CAMK1D: variants seen among roughly 807,000 people sequenced by gnomAD.
CAMK1D encodes calcium/calmodulin dependent protein kinase ID, also known as calcium/calmodulin-dependent protein kinase type 1D.
A neutral mutation model predicts 47.7 loss-of-function variants in CAMK1D; 9 were observed. That is an observed-to-expected ratio of 0.19 (90% CI 0.11 to 0.33). The LOEUF (loss-of-function observed/expected upper bound fraction) is 0.33, where lower values mean the gene tolerates loss of function less well. Among genes scored for constraint, CAMK1D ranks in the 10% least tolerant of loss-of-function variants. The pLI is 1.00. For missense variants in CAMK1D, 291 were observed against 488.7 expected, an observed-to-expected ratio of 0.60 and a Z score of 3.81; for synonymous variants, 184 against 184.9, an observed-to-expected ratio of 0.99 and a Z score of 0.04.
intron 2 of CAMK1D, among the ~76,000 whole-genome samples, chr10:12,594,854 G>C (rs1263446223): frequency 6.6e-6 from 1 of 152,130 alleles, no homozygotes; most frequent in Non-Finnish European, 1.5e-5. Flanking sequence ...ACGTAGGTGG[G>C]GCAGCCATAT....
chr10:12,566,447 T>G (rs770705485), intron 2 of CAMK1D, among the ~76,000 whole-genome samples: 3 of 152,210 alleles, frequency 2.0e-5, no homozygotes, highest in Non-Finnish European at 4.4e-5. Flanking sequence ...ACCATTTTTC[T>G]TGCTGACTAA....
chr10:12,421,511 C>CTT (rs71384322), intron 1 of CAMK1D, among the ~76,000 whole-genome samples: 2,103 of 50,746 alleles, frequency 0.041, 488 homozygotes, highest in Non-Finnish European at 0.051. Context: ...ATCCAGGATT[C>CTT]TTTTTTTTTT....
At chr10:12,426,189 C>T (rs1002325296) in intron 1 of CAMK1D, among the ~76,000 whole-genome samples, 1 of 152,168 alleles carries the variant, frequency 6.6e-6, no homozygotes, top group Non-Finnish European at 1.5e-5. Context: ...GGAAGCTCAT[C>T]CTGCAGCTCA....
chr10:12,772,862 C>T (rs188480716), intron 5 of CAMK1D, among the ~76,000 whole-genome samples: 2 of 152,210 alleles, frequency 1.3e-5, no homozygotes, highest in East Asian at 3.9e-4. Flanking sequence ...GGAGGGGACA[C>T]AACTTCAGAG....
chr10:12,703,801 G>A (rs1183031952), intron 3 of CAMK1D, among the ~76,000 whole-genome samples: 5 of 151,724 alleles, frequency 3.3e-5, no homozygotes, highest in African/African-American at 1.2e-4. Flanking sequence ...CCTGGGAGGC[G>A]GAGGTTGCAG....
intron 1 of CAMK1D, among the ~76,000 whole-genome samples, chr10:12,469,720 G>A (rs149197823): frequency 4.4e-4 from 67 of 152,300 alleles, no homozygotes; most frequent in African/African-American, 1.5e-3. Flanking sequence ...TGCACCTTCT[G>A]GAGAAAACAA....
At chr10:12,563,702 A>AGAGAGG (rs1564414553) in intron 2 of CAMK1D, among the ~76,000 whole-genome samples, 18 of 150,680 alleles carry the variant, frequency 1.2e-4, no homozygotes, top group Non-Finnish European at 2.7e-4. Flanking sequence ...AGAGAGAGGG[A>AGAGAGG]GAGAGAGGGA....
At chr10:12,374,085 C>T (rs1479275301) in intron 1 of CAMK1D, among the ~76,000 whole-genome samples, 2 of 149,874 alleles carry the variant, frequency 1.3e-5, no homozygotes, top group East Asian at 3.9e-4. Context: ...CATGGTGAAA[C>T]CCCGTCTCTA....
At chr10:12,470,669 A>G (rs1833719176) in intron 1 of CAMK1D, among the ~76,000 whole-genome samples, 1 of 152,224 alleles carries the variant, frequency 6.6e-6, no homozygotes, top group African/African-American at 2.4e-5. Context: ...GGTGCCTGCC[A>G]CAACACCCGG....
intron 1 of CAMK1D, among the ~76,000 whole-genome samples, chr10:12,485,988 C>T (rs777532750): frequency 7.9e-5 from 12 of 152,208 alleles, no homozygotes; most frequent in East Asian, 3.9e-4. Flanking sequence ...CCAGGGACCA[C>T]GGCAGAGTGC....
At chr10:12,402,933 C>T (rs190578569) in intron 1 of CAMK1D, among the ~76,000 whole-genome samples, 5 of 152,150 alleles carry the variant, frequency 3.3e-5, no homozygotes, top group African/African-American at 1.2e-4. Flanking sequence ...GAGACCTCAG[C>T]CTGGAGCTCT....
At chr10:12,412,025 A>C (rs910261406) in intron 1 of CAMK1D, among the ~76,000 whole-genome samples, 1 of 152,226 alleles carries the variant, frequency 6.6e-6, no homozygotes, top group African/African-American at 2.4e-5. Context: ...GTTTGAGTCT[A>C]TCAGCGTGGG....
At chr10:12,711,856 A>G (rs1014351244) in intron 3 of CAMK1D, among the ~76,000 whole-genome samples, 4 of 152,254 alleles carry the variant, frequency 2.6e-5, no homozygotes, top group Admixed American at 6.5e-5. Context: ...TCAATATGCC[A>G]TGAAAAATAA....
intron 1 of CAMK1D, among the ~76,000 whole-genome samples, chr10:12,523,463 C>T (rs1437932850): frequency 6.6e-6 from 1 of 152,200 alleles, no homozygotes; most frequent in Non-Finnish European, 1.5e-5. Flanking sequence ...CCATTGAGCA[C>T]TGAGTGAATG....
At chr10:12,554,714 A>ATT (rs151223282) in intron 2 of CAMK1D, among the ~76,000 whole-genome samples, 3 of 149,938 alleles carry the variant, frequency 2.0e-5, no homozygotes, top group African/African-American at 4.9e-5. Flanking sequence ...TTAAAAAAAA[A>ATT]TTTTTTTTTT....
intron 2 of CAMK1D, among the ~76,000 whole-genome samples, chr10:12,579,961 T>C (rs1484964900): frequency 6.6e-6 from 1 of 152,200 alleles, no homozygotes; most frequent in Non-Finnish European, 1.5e-5. Flanking sequence ...TTTAGAAAAG[T>C]GTCCACTCTC....
At chr10:12,757,188 TG>T in intron 3 of CAMK1D, among the ~76,000 whole-genome samples, 1 of 152,236 alleles carries the variant, frequency 6.6e-6, no homozygotes, top group East Asian at 1.9e-4. Flanking sequence ...TGGAGTGCAG[TG>T]GTGCGATCAT....
At chr10:12,497,632 T>G (rs766286320) in intron 1 of CAMK1D, among the ~76,000 whole-genome samples, 2 of 152,172 alleles carry the variant, frequency 1.3e-5, no homozygotes, top group Non-Finnish European at 2.9e-5. Flanking sequence ...TCTAGCATAT[T>G]TGAATTTTAT....
rs1163219954 is a variant in CAMK1D at position 12,503,626 on chromosome 10, C to T, written c.93-49599C>T. On this transcript the variant is annotated intron_variant, in intron 1 of 10. Coordinates refer to ENST00000619168, the MANE Select transcript of CAMK1D (RefSeq NM_153498.4). ...GGCCAGACCTAGCCAGCTGACTCCA[C>T]CCTTTATGAATGAACACATTTGATG... 2.0e-5 allele frequency among the ~76,000 whole-genome samples: 3 copies of T among 152,296 alleles called. No homozygotes were observed. The South Asian group carries it at 6.2e-4, about 32-fold the overall frequency.
Sources: allele counts gnomAD v4.1 joint callset (sites outside exome capture counted in the v4.1 genomes callset), GRCh38; gene constraint gnomAD v4.1.1; transcripts MANE v1.5; gene names NCBI Gene and HGNC (gene_info 2026-07-23, HGNC 2026-07-21).